The following RFX4 variants were observed in gnomAD, a reference collection of about 807,000 sequenced individuals.
RFX4 encodes transcription factor RFX4.
RFX4 carries 10 observed loss-of-function variants against 95.0 expected under a neutral mutation model. The observed-to-expected ratio is 0.11, with a 90% confidence interval of 0.06 to 0.18. The LOEUF is 0.18. Ranked by LOEUF, RFX4 falls within the 10% of genes least tolerant of loss-of-function variation. The pLI is 1.00. For synonymous variants in RFX4, 321 were observed against 340.7 expected (o/e 0.94, Z 0.64); for missense variants, 640 against 922.0 (o/e 0.69, Z 3.96).
chr12:106,666,568 G>T (rs2041180808), intron 4 of RFX4, among the ~76,000 whole-genome samples: 1 of 151,278 alleles, frequency 6.6e-6, no homozygotes, highest in East Asian at 1.9e-4. Flanking sequence ...TTTTGTAATT[G>T]CCCCCTAGTC....
intron 2 of RFX4, among the ~76,000 whole-genome samples, chr12:106,622,234 T>C (rs1038063171): frequency 6.6e-6 from 1 of 152,082 alleles, no homozygotes; most frequent in Admixed American, 6.5e-5. Flanking sequence ...TTTAAAAAAA[T>C]ATAATATAAC....
At chr12:106,703,306 A>G (rs1232728571) in intron 8 of RFX4, among the ~76,000 whole-genome samples, 1 of 152,190 alleles carries the variant, frequency 6.6e-6, no homozygotes, top group Non-Finnish European at 1.5e-5. Context: ...GGCTTTCCAC[A>G]TTGTAGATGG....
chr12:106,685,859 C>A (rs919520367), intron 5 of RFX4, among the ~76,000 whole-genome samples: 21 of 152,160 alleles, frequency 1.4e-4, no homozygotes, highest in African/African-American at 4.8e-4. Flanking sequence ...GGTTATTTTA[C>A]AAATTAATGC....
chr12:106,587,837 G>C (rs1040689970), intron 1 of RFX4, among the ~76,000 whole-genome samples: 1 of 152,236 alleles, frequency 6.6e-6, no homozygotes, highest in African/African-American at 2.4e-5. Context: ...GGAAGAGAAG[G>C]GAGCGTCTGG....
chr12:106,608,708 G>A (rs2039889998), intron 1 of RFX4, 89 bp from the exon 2 acceptor site: 1 of 1,183,656 alleles, frequency 8.4e-7, no homozygotes, highest in Non-Finnish European at 1.2e-6. Flanking sequence ...CATTTATGAT[G>A]TTCTGTCTCT....
Position 106,756,830 on chromosome 12 carries a change from T to C in RFX4, c.1936-4367T>C, listed in dbSNP as rs369508756. 1.2e-4 allele frequency among the ~76,000 whole-genome samples: 19 copies of C among 152,304 alleles called. No homozygotes were observed. The East Asian group carries it at 1.7e-3, about 14-fold the overall frequency. On this transcript the variant is annotated intron_variant, in intron 17 of 17. Coordinates refer to ENST00000392842, the MANE Select transcript of RFX4 (RefSeq NM_213594.3). Reference sequence around the variant, plus strand: ...CATAGTTATAATATTATATTTAGGGTAATTTTATAATTAAGATCTGTCTCC... The same window carrying C: ...CATAGTTATAATATTATATTTAGGGCAATTTTATAATTAAGATCTGTCTCC...
intron 15 of RFX4, among the ~76,000 whole-genome samples, chr12:106,743,586 C>A (rs919973926): frequency 6.6e-6 from 1 of 152,196 alleles, no homozygotes; most frequent in Non-Finnish European, 1.5e-5. Context: ...GCAGCATTTA[C>A]TCCTTCAACA....
chr12:106,688,445 A>G (rs975618531), intron 6 of RFX4, among the ~76,000 whole-genome samples: 92 of 152,248 alleles, frequency 6.0e-4, no homozygotes, highest in Middle Eastern at 3.4e-3. Flanking sequence ...CTAAGTCTCC[A>G]TGTCACACTA....
intron 2 of RFX4, among the ~76,000 whole-genome samples, chr12:106,620,836 C>T (rs182948296): frequency 3.9e-5 from 6 of 152,054 alleles, no homozygotes; most frequent in African/African-American, 1.4e-4. Context: ...TTATAGACCA[C>T]CCCCCAGGAA....
chr12:106,735,825 C>G (rs1342764010), intron 15 of RFX4, among the ~76,000 whole-genome samples: 1 of 151,924 alleles, frequency 6.6e-6, no homozygotes, highest in East Asian at 1.9e-4. Context: ...AGTACAGAGA[C>G]AAGTGTTATG....
chr12:106,651,222 C>T (rs1459273712), intron 3 of RFX4, among the ~76,000 whole-genome samples: 2 of 152,154 alleles, frequency 1.3e-5, no homozygotes, highest in Non-Finnish European at 2.9e-5. Context: ...TGGAACCTCC[C>T]TCCCTCCCCC....
chr12:106,730,925 G>A (rs902002335), intron 13 of RFX4, among the ~76,000 whole-genome samples: 2 of 152,116 alleles, frequency 1.3e-5, no homozygotes, highest in Non-Finnish European at 2.9e-5. Flanking sequence ...GCTTGAACTC[G>A]GGAGGCAGAG....
intron 1 of RFX4, among the ~76,000 whole-genome samples, chr12:106,604,115 C>CTT (rs1163891542): frequency 0.096 from 10,807 of 112,608 alleles, 741 homozygotes; most frequent in Middle Eastern, 0.13. Context: ...GCTTCTCTCT[C>CTT]TTTTTTTTTT....
rs916979667 is a variant in RFX4 at position 106,586,116 on chromosome 12, C to G, written c.43+2753C>G. 1 of 152,238 alleles carries G rather than the reference C, an allele frequency of 6.6e-6. No homozygotes were observed. Among genetic ancestry groups the G allele is most frequent in the Admixed American group, 6.5e-5 (1 of 15,294 alleles). 9.4% of individuals were successfully genotyped at this position (152,238 alleles called of 1,614,324 possible). The stretch of plus-strand genomic sequence containing the variant: ...GCTGCCGAGCCCGACAAAGCAAAGC[C>G]CCTCTCGGAGGCAAAGCCCCAGCTT... On this transcript the variant is annotated intron_variant, in intron 1 of 17. Coordinates refer to ENST00000392842, the MANE Select transcript of RFX4 (RefSeq NM_213594.3). The surrounding 1 kb of genome is among the most constrained non-coding windows in gnomAD (Gnocchi z 5.6).
At chr12:106,627,006 C>T (rs906644434) in intron 2 of RFX4, among the ~76,000 whole-genome samples, 3 of 152,164 alleles carry the variant, frequency 2.0e-5, no homozygotes, top group Admixed American at 2.0e-4. Flanking sequence ...CTGAGACAGT[C>T]CATGCTGTGT....
At chr12:106,648,859 C>T (rs750870574) in intron 3 of RFX4, among the ~76,000 whole-genome samples, 1 of 151,936 alleles carries the variant, frequency 6.6e-6, no homozygotes, top group African/African-American at 2.4e-5. Flanking sequence ...TGCCAGGTGC[C>T]GAAACATTTG....
intron 1 of RFX4, chr12:106,601,071 A>C: frequency 2.3e-6 from 3 of 1,277,578 alleles, no homozygotes; most frequent in Non-Finnish European, 3.1e-6. Flanking sequence ...GAGGGAAGGA[A>C]TGAAAGCAGA....
intron 16 of RFX4, among the ~76,000 whole-genome samples, chr12:106,748,033 A>C (rs2042928090): frequency 6.6e-6 from 1 of 152,048 alleles, no homozygotes; most frequent in Non-Finnish European, 1.5e-5. Context: ...AGTTCCCACA[A>C]TATCCTGAGC....
intron 1 of RFX4, chr12:106,601,431 G>A: frequency 7.2e-7 from 1 of 1,380,860 alleles, no homozygotes; most frequent in African/African-American, 1.5e-5. Context: ...CTTGGTAGCT[G>A]TGAGTGTGGC....
Sources: allele counts gnomAD v4.1 joint callset (sites outside exome capture counted in the v4.1 genomes callset), GRCh38; gene constraint gnomAD v4.1.1; non-coding constraint Gnocchi (gnomAD v3.1); transcripts MANE v1.5; gene names NCBI Gene and HGNC (gene_info 2026-07-23, HGNC 2026-07-21).